The following TRABD2B variants were observed in gnomAD, a reference collection of about 807,000 sequenced individuals.
TRABD2B encodes TraB domain containing 2B.
TRABD2B carries 14 observed loss-of-function variants against 40.1 expected under a neutral mutation model. The ratio of observed to expected loss-of-function variants is 0.35; its 90% confidence interval spans 0.23 to 0.55. TRABD2B has a LOEUF of 0.55. TRABD2B is among the 20% of genes least tolerant of loss of function. TRABD2B has a pLI of 0.90. For synonymous variants in TRABD2B, 263 were observed against 277.0 expected, an observed-to-expected ratio of 0.95 and a Z score of 0.50; for missense variants, 541 against 648.6, an observed-to-expected ratio of 0.83 and a Z score of 1.80.
rs1421564926 is a variant in TRABD2B at position 47,937,445 on chromosome 1, TATCATCACC to T, written c.666+56580_666+56588del. ...TGATCATCACCATCATCATCACTAC[TATCATCACC>T]ATCATCACCACCACTGTCACTATCA... On this transcript the variant is annotated intron_variant, in intron 2 of 6. Coordinates refer to ENST00000606738, the MANE Select transcript of TRABD2B (RefSeq NM_001194986.2). Among the ~76,000 whole-genome samples, 4 of 149,162 alleles carry T rather than the reference TATCATCACC, an allele frequency of 2.7e-5. No individual in the cohort carries two copies. In the East Asian group the frequency reaches 8.1e-4, roughly 30 times the overall value.
At chr1:47,990,795 A>G (rs1411751804) in intron 2 of TRABD2B, among the ~76,000 whole-genome samples, 1 of 49,884 alleles carries the variant, frequency 2.0e-5, no homozygotes, top group Non-Finnish European at 3.9e-5. Flanking sequence ...ATATATATAT[A>G]TATATATATA....
At chr1:47,814,093 C>T (rs1644999454) in intron 2 of TRABD2B, among the ~76,000 whole-genome samples, 1 of 152,246 alleles carries the variant, frequency 6.6e-6, no homozygotes, top group Admixed American at 6.5e-5. Context: ...TGGGGACACA[C>T]ATTTGCCACA....
chr1:47,955,828 G>A (rs1021338533), intron 2 of TRABD2B, among the ~76,000 whole-genome samples: 10 of 152,152 alleles, frequency 6.6e-5, no homozygotes, highest in Non-Finnish European at 2.9e-5. Flanking sequence ...CAGGCCAGGA[G>A]TCCACTGCTC....
rs1260344291 is a variant in TRABD2B, at chr1:47,762,612, AG to A, written c.*3289del. 1 of 152,184 alleles carries A rather than the reference AG, an allele frequency of 6.6e-6. No individual in the cohort carries two copies. The highest frequency in any genetic ancestry group is 1.5e-5 in the Non-Finnish European group (1 of 68,032). The allele number at this position is 152,184 out of a possible 1,614,324, so 9.4% of individuals were successfully genotyped here. ...TATTTAGCATGAAGAAAATATGCTTAGGGTCTTTCAATGCAAGGACAAATTT... is the reference window on the plus strand; with the variant it reads ...TATTTAGCATGAAGAAAATATGCTTAGGTCTTTCAATGCAAGGACAAATTT... On this transcript the variant is annotated 3_prime_UTR_variant, in exon 7 of 7. Coordinates refer to ENST00000606738, the MANE Select transcript of TRABD2B (RefSeq NM_001194986.2).
chr1:47,954,980 G>A (rs1645397474), intron 2 of TRABD2B, among the ~76,000 whole-genome samples: 1 of 152,062 alleles, frequency 6.6e-6, no homozygotes, highest in African/African-American at 2.4e-5. Context: ...CTACTCCCTA[G>A]GGCCCAACTG....
At chr1:47,843,459 G>A (rs968256331) in intron 2 of TRABD2B, among the ~76,000 whole-genome samples, 24 of 152,192 alleles carry the variant, frequency 1.6e-4, no homozygotes, top group Admixed American at 2.6e-4. Flanking sequence ...AGCAACTGTC[G>A]GAGTGGAGCA....
At chr1:47,859,097 G>T (rs546215877) in intron 2 of TRABD2B, among the ~76,000 whole-genome samples, 4 of 152,332 alleles carry the variant, frequency 2.6e-5, no homozygotes, top group African/African-American at 9.6e-5. Context: ...GAACAGAGGG[G>T]TACTTGCTGA....
chr1:47,767,801 GC>G (rs1165792947), intron 6 of TRABD2B, among the ~76,000 whole-genome samples: 1 of 152,214 alleles, frequency 6.6e-6, no homozygotes. Context: ...TCGACAGGCT[GC>G]CCTGGGTCAC....
At chr1:47,769,227 A>G (rs1176009595) in intron 6 of TRABD2B, among the ~76,000 whole-genome samples, 1 of 152,218 alleles carries the variant, frequency 6.6e-6, no homozygotes, top group East Asian at 1.9e-4. Flanking sequence ...AGTCCATAAA[A>G]ACGTCCTCCT....
At chr1:47,939,226 G>C (rs998242378) in intron 2 of TRABD2B, among the ~76,000 whole-genome samples, 1 of 152,052 alleles carries the variant, frequency 6.6e-6, no homozygotes, top group African/African-American at 2.4e-5. Context: ...TGAAAGCACA[G>C]GCAGAGAGTT....
chr1:47,960,327 C>T (rs944555032), intron 2 of TRABD2B, among the ~76,000 whole-genome samples: 3 of 152,186 alleles, frequency 2.0e-5, no homozygotes, highest in Non-Finnish European at 4.4e-5. Context: ...CCCTCTCTCA[C>T]CACTCCTATT....
chr1:47,807,725 T>A (rs918610115), intron 2 of TRABD2B, among the ~76,000 whole-genome samples: 1 of 152,218 alleles, frequency 6.6e-6, no homozygotes, highest in African/African-American at 2.4e-5. Context: ...TGACTTATAG[T>A]ATTTAGGTAT....
chr1:47,780,517 A>G (rs1432817749), intron 4 of TRABD2B, among the ~76,000 whole-genome samples: 1 of 152,104 alleles, frequency 6.6e-6, no homozygotes, highest in Non-Finnish European at 1.5e-5. Context: ...TGAGAATGGG[A>G]ATCCTGTAAT....
chr1:47,932,749 A>C (rs948007492), intron 2 of TRABD2B, among the ~76,000 whole-genome samples: 6 of 152,174 alleles, frequency 3.9e-5, no homozygotes, highest in African/African-American at 1.4e-4. Flanking sequence ...TCCCAGCCCC[A>C]CTATTTAATG....
rs1570179496 is a variant in TRABD2B, at chr1:47,874,853, G to T, written c.667-73234C>A. ...CCTGCCACAGCCTCCCAAGTGCTGG[G>T]ATTACAGGAGTGAGCCACTGTGCCC... On this transcript the variant is annotated intron_variant, in intron 2 of 6. Transcript: ENST00000606738. Among the ~76,000 whole-genome samples the T allele has an allele frequency of 2.0e-5, 3 of 152,180 alleles. 1 individual carries two copies. In the Middle Eastern group the frequency reaches 0.01, roughly 518 times the overall value.
intron 2 of TRABD2B, among the ~76,000 whole-genome samples, chr1:47,868,770 G>C (rs997110586): frequency 1.3e-5 from 2 of 152,134 alleles, no homozygotes; most frequent in Non-Finnish European, 2.9e-5. Flanking sequence ...TCTAAAGCAC[G>C]GTCCAGACTA....
rs535320280 is a variant in TRABD2B at position 47,801,259 on chromosome 1, G to A, written c.813+214C>T. On this transcript the variant is annotated intron_variant, in intron 3 of 6. Coordinates refer to ENST00000606738, the MANE Select transcript of TRABD2B (RefSeq NM_001194986.2). ...CCAGAGCCACATAGATCTGGCTCAA[G>A]TTGCTGCTCTTGGTAACTTAAAACT... 3.9e-5 allele frequency among the ~76,000 whole-genome samples: 6 copies of A among 152,300 alleles called. No homozygotes were observed. The East Asian group carries it at 1.2e-3, about 29-fold the overall frequency.
chr1:47,843,699 C>CA, intron 2 of TRABD2B, among the ~76,000 whole-genome samples: 1 of 152,080 alleles, frequency 6.6e-6, no homozygotes, highest in South Asian at 2.1e-4. Context: ...GAAGGAGTGG[C>CA]CAGCCAGGCA....
At chr1:47,880,674 T>C (rs1244426371) in intron 2 of TRABD2B, among the ~76,000 whole-genome samples, 1 of 152,200 alleles carries the variant, frequency 6.6e-6, no homozygotes, top group Non-Finnish European at 1.5e-5. Context: ...CTCCGTGTTC[T>C]AGGTCTTACC....
Sources: gnomAD v4.1 joint callset for allele counts (sites outside exome capture counted in the v4.1 genomes callset) on GRCh38, gnomAD v4.1.1 for gene constraint, MANE v1.5 for transcripts, NCBI Gene and HGNC (gene_info 2026-07-23, HGNC 2026-07-21) for gene names.